SPTLC1: variants seen among roughly 807,000 people sequenced by gnomAD.
SPTLC1 encodes the protein serine palmitoyltransferase 1.
SPTLC1 carries 55 observed loss-of-function variants against 68.9 expected under a neutral mutation model. That is an observed-to-expected ratio of 0.80 (90% confidence interval 0.64 to 1.00). SPTLC1 has a LOEUF of 1.00. Among genes scored for constraint, SPTLC1 ranks in the 50% least tolerant of loss-of-function variants. The pLI is 0.00. For missense variants in SPTLC1, 449 were observed against 573.1 expected, an observed-to-expected ratio of 0.78 and a Z score of 2.21; for synonymous variants, 197 against 201.6, an observed-to-expected ratio of 0.98 and a Z score of 0.19.
chr9:92,089,824 T>C (rs1235735564), intron 3 of SPTLC1, among the ~76,000 whole-genome samples: 1 of 152,124 alleles, frequency 6.6e-6, no homozygotes, highest in Admixed American at 6.5e-5. Context: ...TGTAGAATTT[T>C]AGAGAAAAAT....
At chr9:92,072,410 T>C (rs764219914) in intron 5 of SPTLC1, among the ~76,000 whole-genome samples, 13 of 152,158 alleles carry the variant, frequency 8.5e-5, no homozygotes, top group Non-Finnish European at 1.3e-4. Flanking sequence ...AAGACAGTCT[T>C]CCCTCAGTGT....
intron 6 of SPTLC1, among the ~76,000 whole-genome samples, chr9:92,063,502 A>G (rs976294629): frequency 3.9e-5 from 6 of 152,144 alleles, no homozygotes; most frequent in African/African-American, 7.2e-5. Flanking sequence ...ACGCTTCCCA[A>G]TTGATTCTGT....
rs936969046 is a variant in SPTLC1, at chr9:92,051,160, T to C, written c.781-1093A>G. 4.1e-6 allele frequency: 4 copies of C among 983,484 alleles called. No individual in the cohort carries two copies. The African/African-American group carries it at 5.2e-5, about 13-fold the overall frequency. The allele number at this position is 983,484 out of a possible 1,614,324, so 60.9% of individuals were successfully genotyped here. A position where few individuals can be genotyped will look rare whatever the true frequency, so the allele number is the denominator to read the frequency against. On this transcript the variant is annotated intron_variant, in intron 8 of 14. Coordinates refer to ENST00000262554, the MANE Select transcript of SPTLC1 (RefSeq NM_006415.4). ...ACAAAAACAAAAAGAAGAAAACAAA[T>C]ACATCTCTTCTATTGATACTTAAAA...
intron 3 of SPTLC1, among the ~76,000 whole-genome samples, chr9:92,083,283 A>G (rs1367919670): frequency 2.0e-5 from 3 of 152,008 alleles, no homozygotes; most frequent in East Asian, 1.9e-4. Context: ...TGTTGCCATT[A>G]CTTTTGGTGT....
At chr9:92,101,918 C>A (rs547535517) in intron 3 of SPTLC1, among the ~76,000 whole-genome samples, 1 of 151,876 alleles carries the variant, frequency 6.6e-6, no homozygotes, top group Non-Finnish European at 1.5e-5. Context: ...GGGAGAGATA[C>A]GGACATCCAG....
At chr9:92,056,354 G>A (rs563550276) in intron 7 of SPTLC1, among the ~76,000 whole-genome samples, 10 of 152,138 alleles carry the variant, frequency 6.6e-5, no homozygotes, top group African/African-American at 2.2e-4. Flanking sequence ...TCAGCCTCCC[G>A]AGTAGCTGGG....
rs201938781 is a variant in SPTLC1, at chr9:92,037,551, C to T, written c.1254+697G>A. ...CAGGTTATTCCGCTGCTCTTCCTCC[C>T]CCTTTTAAAGAAACTTCTGTTGGCT... is the stretch of plus-strand genomic sequence containing the variant. On this transcript the variant is annotated intron_variant, in intron 13 of 14. Transcript: ENST00000262554. Among the ~76,000 whole-genome samples the T allele has an allele frequency of 1.9e-4, 29 of 152,252 alleles. No individual in the cohort carries two copies. In the East Asian group the frequency reaches 4.6e-3, roughly 24 times the overall value.
chr9:92,078,279 A>G (rs572406349), intron 5 of SPTLC1, among the ~76,000 whole-genome samples: 4 of 152,328 alleles, frequency 2.6e-5, no homozygotes, highest in African/African-American at 9.6e-5. Flanking sequence ...TACAATCAAC[A>G]ACCCCATAAA....
intron 3 of SPTLC1, chr9:92,104,537 AG>A: frequency 7.0e-7 from 1 of 1,431,854 alleles, no homozygotes; most frequent in Non-Finnish European, 9.5e-7. Context: ...TCGCAACTCC[AG>A]GATGTTTGGA....
chr9:92,050,266 A>G, intron 8 of SPTLC1, 199 bp from the exon 9 acceptor site: 1 of 545,588 alleles, frequency 1.8e-6, no homozygotes, highest in South Asian at 2.0e-5. Context: ...GGATATGTGC[A>G]TGTGCAGAGC....
At chr9:92,079,701 G>C (rs1834810389) in intron 5 of SPTLC1, 2 of 809,478 alleles carry the variant, frequency 2.5e-6, no homozygotes, top group Non-Finnish European at 4.3e-6. Flanking sequence ...CTCATCAGTG[G>C]ACTGTGGGCA....
rs926312364 is a variant in SPTLC1, at chr9:92,105,443, C to A, written c.260+3297G>T. 6.0e-6 allele frequency: 8 copies of A among 1,335,982 alleles called. No individual in the cohort carries two copies. The Admixed American group carries it at 8.7e-5, about 14-fold the overall frequency. 82.8% of individuals were successfully genotyped at this position (1,335,982 alleles called of 1,614,324 possible). ...ACAGCAGGGCAGGCGTGGTGGCCCA[C>A]GCCTGTAATCCAGCACTTTGGGAGG... On this transcript the variant is annotated intron_variant, in intron 3 of 14. Coordinates refer to ENST00000262554, the MANE Select transcript of SPTLC1 (RefSeq NM_006415.4).
At chr9:92,060,269 A>G (rs1834042639) in intron 6 of SPTLC1, among the ~76,000 whole-genome samples, 1 of 152,198 alleles carries the variant, frequency 6.6e-6, no homozygotes, top group South Asian at 2.1e-4. Flanking sequence ...GCACAATATG[A>G]AAGTGTCTAG....
Position 92,108,955 on chromosome 9 carries a change from C to T in SPTLC1, c.166-121G>A, listed in dbSNP as rs1395827117. ...CTAACTATTCTCAAGTTCGCTGTCA[C>T]TCTTATTCAAGCTTATGTCTTCACA... On this transcript the variant is annotated intron_variant, in intron 2 of 14. Coordinates refer to ENST00000262554, the MANE Select transcript of SPTLC1 (RefSeq NM_006415.4). The T allele has an allele frequency of 1.7e-5, 25 of 1,472,550 alleles. No homozygotes were observed. The East Asian group carries it at 3.6e-4, about 21-fold the overall frequency. The allele number at this position is 1,472,550 out of a possible 1,614,324, so 91.2% of individuals were successfully genotyped here.
intron 3 of SPTLC1, among the ~76,000 whole-genome samples, chr9:92,101,621 G>A (rs151132790): frequency 4.0e-4 from 57 of 143,186 alleles, no homozygotes; most frequent in Middle Eastern, 3.6e-3. Context: ...AGAAACCTTA[G>A]GAATGAAGAA....
intron 2 of SPTLC1, 105 bp downstream of exon 2, chr9:92,112,350 A>T: frequency 2.6e-6 from 2 of 782,838 alleles, no homozygotes; most frequent in East Asian, 5.1e-5. Context: ...TACATTACAG[A>T]AAATGCTTTA....
intron 8 of SPTLC1, 71 bp from the exon 9 acceptor site, chr9:92,050,138 A>C (rs1042760354): frequency 6.1e-6 from 6 of 977,612 alleles, no homozygotes; most frequent in East Asian, 2.4e-5. Context: ...GAAAAAAATT[A>C]AGATTAAAAA....
intron 6 of SPTLC1, among the ~76,000 whole-genome samples, chr9:92,063,472 T>C (rs374741030): frequency 2.0e-5 from 3 of 152,058 alleles, no homozygotes. Flanking sequence ...TACAAATAGC[T>C]CCACAAAATA....
At chr9:92,092,500 G>A (rs62568693) in intron 3 of SPTLC1, among the ~76,000 whole-genome samples, 7 of 152,132 alleles carry the variant, frequency 4.6e-5, no homozygotes, top group Non-Finnish European at 8.8e-5. Flanking sequence ...AGGTTAAGGC[G>A]GGTGGATCAC....
Sources: allele counts gnomAD v4.1 joint callset (sites outside exome capture counted in the v4.1 genomes callset), GRCh38; gene constraint gnomAD v4.1.1; transcripts MANE v1.5; gene names NCBI Gene and HGNC (gene_info 2026-07-23, HGNC 2026-07-21).